The following NCAM2 variants were observed in gnomAD, a reference collection of about 807,000 sequenced individuals.
The protein encoded by NCAM2 is neural cell adhesion molecule 2.
NCAM2 carries 30 observed loss-of-function variants against 98.1 expected under a neutral mutation model. The observed-to-expected ratio is 0.31, with a 90% CI of 0.23 to 0.41. The LOEUF (loss-of-function observed/expected upper bound fraction) is 0.41. Among genes scored for constraint, NCAM2 ranks in the 10% least tolerant of loss-of-function variants. The pLI is 1.00. For missense variants in NCAM2, 867 were observed against 1,005.8 expected (o/e 0.86, Z 1.87); for synonymous variants, 368 against 342.4 (o/e 1.07, Z -0.83).
chr21:21,178,349 A>G (rs989294296), intron 1 of NCAM2, among the ~76,000 whole-genome samples: 1 of 152,160 alleles, frequency 6.6e-6, no homozygotes, highest in Non-Finnish European at 1.5e-5. Context: ...AGCTAGTGGT[A>G]AATATAGTCA....
At chr21:21,173,449 T>G (rs1245992470) in intron 1 of NCAM2, among the ~76,000 whole-genome samples, 1 of 152,198 alleles carries the variant, frequency 6.6e-6, no homozygotes, top group South Asian at 2.1e-4. Context: ...TAGTTAGAAG[T>G]GTACTACAGC....
intron 12 of NCAM2, among the ~76,000 whole-genome samples, chr21:21,435,633 A>T (rs946776649): frequency 2.0e-5 from 3 of 152,102 alleles, no homozygotes; most frequent in African/African-American, 7.2e-5. Flanking sequence ...TAGGTATTTA[A>T]TGTTTTTTTC....
chr21:21,162,738 T>C (rs568999815), intron 1 of NCAM2, among the ~76,000 whole-genome samples: 1 of 152,264 alleles, frequency 6.6e-6, no homozygotes, highest in South Asian at 2.1e-4. Context: ...GCATGTATCA[T>C]GGTTCAGACA....
chr21:21,455,519 T>C (rs1982010818), intron 12 of NCAM2, among the ~76,000 whole-genome samples: 2 of 151,992 alleles, frequency 1.3e-5, no homozygotes, highest in Non-Finnish European at 2.9e-5. Flanking sequence ...TGTTTATTCA[T>C]AGAATTACTG....
intron 16 of NCAM2, among the ~76,000 whole-genome samples, chr21:21,528,507 G>A (rs1989450474): frequency 6.6e-6 from 1 of 151,994 alleles, no homozygotes; most frequent in Non-Finnish European, 1.5e-5. Flanking sequence ...ATTAAAACTG[G>A]TCTAAATTAA....
At chr21:21,167,210 T>TTC (rs368403027) in intron 1 of NCAM2, among the ~76,000 whole-genome samples, 4 of 150,346 alleles carry the variant, frequency 2.7e-5, no homozygotes, top group Non-Finnish European at 4.5e-5. Context: ...ACTGCCAGTT[T>TTC]TCTCTCTCTC....
chr21:21,034,289 T>A (rs2064754134), intron 1 of NCAM2, among the ~76,000 whole-genome samples: 1 of 152,180 alleles, frequency 6.6e-6, no homozygotes, highest in African/African-American at 2.4e-5. Context: ...ACAAGAGATT[T>A]TTCTGTAGGA....
chr21:21,099,479 C>A (rs927842801), intron 1 of NCAM2, among the ~76,000 whole-genome samples: 1 of 151,806 alleles, frequency 6.6e-6, no homozygotes, highest in Non-Finnish European at 1.5e-5. Flanking sequence ...CACAGGGCAG[C>A]AAGAGAGAGA....
intron 1 of NCAM2, among the ~76,000 whole-genome samples, chr21:21,024,414 A>T (rs994510940): frequency 1.3e-5 from 2 of 152,332 alleles, no homozygotes; most frequent in Admixed American, 1.3e-4. Context: ...AAATTGAAGT[A>T]TTTATTTATA....
intron 15 of NCAM2, among the ~76,000 whole-genome samples, chr21:21,479,611 G>T (rs68101816): frequency 0.3 from 28,356 of 94,580 alleles, 4,324 homozygotes; most frequent in Non-Finnish European, 0.37. Flanking sequence ...AAAAAAAATT[G>T]TTGATGATAA....
intron 1 of NCAM2, among the ~76,000 whole-genome samples, chr21:21,049,271 G>A (rs1009398371): frequency 4.0e-5 from 6 of 151,378 alleles, no homozygotes; most frequent in Admixed American, 6.6e-5. Context: ...CACCCGCCTC[G>A]GCCTCGCATA....
chr21:21,538,029 T>C lies in NCAM2; in HGVS notation c.*72T>C, dbSNP rs1990078806. On this transcript the variant is annotated 3_prime_UTR_variant, in exon 18 of 18. Transcript: ENST00000400546. ...TTGCGTGACCCTATGACCAAAACTA[T>C]TCCATTGACCTTAATTTCTTGGGAA... 6 of 797,510 alleles carry C rather than the reference T, an allele frequency of 7.5e-6. No homozygotes were observed. In the South Asian group the frequency reaches 1.5e-4, roughly 20 times the overall value. The allele number at this position is 797,510 out of a possible 1,614,324, so 49.4% of individuals were successfully genotyped here. A position where few individuals can be genotyped will look rare whatever the true frequency, so the allele number is the denominator to read the frequency against.
intron 8 of NCAM2, among the ~76,000 whole-genome samples, chr21:21,369,216 T>G (rs1415067795): frequency 6.6e-6 from 1 of 151,910 alleles, no homozygotes; most frequent in East Asian, 1.9e-4. Flanking sequence ...ATTGAATTAT[T>G]CAATACTAGT....
chr21:21,494,464 G>A (rs895111982), intron 15 of NCAM2, among the ~76,000 whole-genome samples: 1 of 151,098 alleles, frequency 6.6e-6, no homozygotes, highest in African/African-American at 2.5e-5. Flanking sequence ...ACATATTTGG[G>A]TCATATTCAT....
chr21:21,380,208 A>G (rs539144473), intron 9 of NCAM2, among the ~76,000 whole-genome samples: 18 of 152,334 alleles, frequency 1.2e-4, no homozygotes, highest in African/African-American at 4.1e-4. Context: ...AGTATTAACC[A>G]TCACAGTATT....
At chr21:21,488,864 T>C (rs1035320723) in intron 15 of NCAM2, among the ~76,000 whole-genome samples, 10 of 152,106 alleles carry the variant, frequency 6.6e-5, no homozygotes, top group African/African-American at 2.4e-4. Flanking sequence ...TGATCATACC[T>C]AAATATGTAA....
At chr21:21,286,104 G>A (rs1189006253) in intron 3 of NCAM2, among the ~76,000 whole-genome samples, 165 bp from the exon 4 acceptor site, 1 of 151,942 alleles carries the variant, frequency 6.6e-6, no homozygotes, top group Non-Finnish European at 1.5e-5. Flanking sequence ...AGATAGGAAG[G>A]TATTAGGGAG....
rs2064179134 is a variant in NCAM2 at position 21,009,959 on chromosome 21, G to A, written c.55+11341G>A. 2.0e-5 allele frequency among the ~76,000 whole-genome samples: 3 copies of A among 146,350 alleles called. No homozygotes were observed. The South Asian group carries it at 6.6e-4, about 32-fold the overall frequency. ...GGTGTTCTCTAGGTCCAACTTCAGT[G>A]ATAAAAGCATTTAAGTTTATTGGAC... On this transcript the variant is annotated intron_variant, in intron 1 of 17. Coordinates refer to ENST00000400546, the MANE Select transcript of NCAM2 (RefSeq NM_004540.5).
chr21:21,482,820 T>C (rs1423458980), intron 15 of NCAM2, among the ~76,000 whole-genome samples: 2 of 151,958 alleles, frequency 1.3e-5, no homozygotes, highest in Non-Finnish European at 2.9e-5. Context: ...AGATATGTAT[T>C]TTGATTTATT....
Sources: allele counts gnomAD v4.1 joint callset (sites outside exome capture counted in the v4.1 genomes callset), GRCh38; gene constraint gnomAD v4.1.1; transcripts MANE v1.5; gene names NCBI Gene and HGNC (gene_info 2026-07-23, HGNC 2026-07-21).